The following GLIS3 variants were observed in gnomAD, a reference collection of about 807,000 sequenced individuals.
GLIS3 encodes the protein zinc finger protein GLIS3.
A neutral mutation model predicts 78.6 loss-of-function variants in GLIS3; 53 were observed. The observed-to-expected ratio is 0.67, with a 90% CI of 0.54 to 0.85. The LOEUF (loss-of-function observed/expected upper bound fraction) is 0.85, where lower values mean the gene tolerates loss of function less well. GLIS3 is among the 40% of genes least tolerant of loss of function. The probability of loss-of-function intolerance (pLI) is 0.00; values close to 1 mark genes in which losing one functional copy is unlikely to be tolerated. For synonymous variants in GLIS3, 684 were observed against 509.9 expected, an observed-to-expected ratio of 1.34 and a Z score of -4.60; for missense variants, 1,703 against 1,231.1, an observed-to-expected ratio of 1.38 and a Z score of -5.74.
chr9:4,106,210 G>C (rs1463720380), intron 4 of GLIS3, among the ~76,000 whole-genome samples: 1 of 152,162 alleles, frequency 6.6e-6, no homozygotes, highest in Non-Finnish European at 1.5e-5. Context: ...ATTATCTAAA[G>C]CCACTGGAAA....
intron 4 of GLIS3, among the ~76,000 whole-genome samples, chr9:4,037,778 G>A (rs1824459792): frequency 6.6e-6 from 1 of 152,108 alleles, no homozygotes; most frequent in African/African-American, 2.4e-5. Context: ...TTAATTTGCA[G>A]TATCTCTCCA....
At position 4,118,627 on chromosome 9, in the gene GLIS3, G is replaced by A; in HGVS notation, c.851C>T (p.Pro284Leu). 1 of 1,614,234 alleles carries A rather than the reference G, an allele frequency of 6.2e-7. No homozygotes were observed. The highest frequency in any genetic ancestry group is 2.2e-5 in the East Asian group (1 of 44,884). ...FGTESSHSPY[P>L]SPRHSSTRSH... Reference sequence around the variant, plus strand: ...CCTGGTGGATGAGTGCCGAGGACTAGGGTAAGGAGAGTGGCTACTTTCCGT... The same window carrying A: ...CCTGGTGGATGAGTGCCGAGGACTAAGGTAAGGAGAGTGGCTACTTTCCGT... Residue 284 changes from proline (P) to leucine (L), a missense_variant, in exon 4 of 11, where the codon CCT (proline) becomes CTT (leucine). Coordinates refer to ENST00000381971, the MANE Select transcript of GLIS3 (RefSeq NM_001042413.2). This position sits in a 1 kb window ranked among gnomAD's most constrained non-coding sequence, Gnocchi z 4.7.
At chr9:4,026,364 T>G (rs182612256) in intron 4 of GLIS3, among the ~76,000 whole-genome samples, 50 of 152,368 alleles carry the variant, frequency 3.3e-4, no homozygotes, top group African/African-American at 8.9e-4. Context: ...ATCTGAATAA[T>G]AATGCTTTTC....
intron 4 of GLIS3, among the ~76,000 whole-genome samples, chr9:4,004,560 T>C (rs1380824649): frequency 6.6e-6 from 1 of 152,152 alleles, no homozygotes; most frequent in African/African-American, 2.4e-5. Flanking sequence ...AATGTTGATC[T>C]ACAAGAAAAA....
intron 8 of GLIS3, among the ~76,000 whole-genome samples, chr9:3,861,630 T>C (rs993113232): frequency 6.6e-6 from 1 of 152,142 alleles, no homozygotes; most frequent in Non-Finnish European, 1.5e-5. Context: ...ATCATGTAAT[T>C]TGCAGGGACA....
At chr9:4,068,623 G>A (rs1192750606) in intron 4 of GLIS3, among the ~76,000 whole-genome samples, 2 of 152,086 alleles carry the variant, frequency 1.3e-5, no homozygotes, top group Non-Finnish European at 2.9e-5. Context: ...GGCTCAAAGA[G>A]CAAGAATTTC....
intron 4 of GLIS3, among the ~76,000 whole-genome samples, chr9:3,942,053 C>T (rs148992585): frequency 6.6e-6 from 1 of 152,206 alleles, no homozygotes; most frequent in African/African-American, 2.4e-5. Context: ...ATATGTGTAA[C>T]CAATAATTAA....
In GLIS3 at chr9:4,286,037, C is replaced by A; in HGVS notation, c.388+1G>T. ...AAAAGGTTCCAGAAAGACAATCCTA[C>A]CTTTCCCAGGATTTGGAGGAAAAGG... On this transcript the variant is annotated splice_donor_variant, in intron 2 of 10. Transcript: ENST00000381971. LOFTEE classifies it high-confidence loss of function. 1 of 1,614,066 alleles carries A rather than the reference C, an allele frequency of 6.2e-7. No individual in the cohort carries two copies. The highest frequency in any genetic ancestry group is 8.5e-7 in the Non-Finnish European group (1 of 1,179,988).
upstream of GLIS3, among the ~76,000 whole-genome samples, chr9:4,350,704 T>C (rs919533470): frequency 6.6e-6 from 1 of 152,220 alleles, no homozygotes; most frequent in Non-Finnish European, 1.5e-5. Context: ...TCCTTCATTC[T>C]GGACCAAGGA....
At chr9:4,102,753 T>C (rs1456040259) in intron 4 of GLIS3, among the ~76,000 whole-genome samples, 3 of 152,166 alleles carry the variant, frequency 2.0e-5, no homozygotes, top group African/African-American at 7.2e-5. Context: ...GTCTTAAATA[T>C]TAAATGTCAC....
chr9:4,041,585 T>C (rs1011158852), intron 4 of GLIS3, among the ~76,000 whole-genome samples: 4 of 152,172 alleles, frequency 2.6e-5, no homozygotes, highest in African/African-American at 7.2e-5. Context: ...CATAAAACGG[T>C]GCTTCGTTTC....
intron 4 of GLIS3, among the ~76,000 whole-genome samples, chr9:3,939,830 T>A (rs7018760): frequency 6.6e-4 from 101 of 152,288 alleles, no homozygotes; most frequent in African/African-American, 2.3e-3. Flanking sequence ...TCACTCTTGT[T>A]GAAGAATTCA....
intron 4 of GLIS3, among the ~76,000 whole-genome samples, chr9:3,940,330 C>T (rs1364564864): frequency 6.6e-6 from 1 of 152,056 alleles, no homozygotes; most frequent in Non-Finnish European, 1.5e-5. Context: ...ACTTTGTAAA[C>T]TGACATCTAA....
intron 4 of GLIS3, among the ~76,000 whole-genome samples, chr9:4,012,201 G>C (rs568456170): frequency 5.9e-5 from 9 of 152,216 alleles, no homozygotes; most frequent in African/African-American, 2.2e-4. Context: ...TGCAAGTATG[G>C]GGCAGTGTTT....
chr9:4,431,289 G>C, the GLIS3 span, among the ~76,000 whole-genome samples: 1 of 152,180 alleles, frequency 6.6e-6, no homozygotes, highest in South Asian at 2.1e-4. Flanking sequence ...GAATTGTTTG[G>C]TTGCCATCCA....
chr9:4,198,017 AAATT>A (rs1326955128), intron 2 of GLIS3, among the ~76,000 whole-genome samples: 1 of 152,238 alleles, frequency 6.6e-6, no homozygotes, highest in Non-Finnish European at 1.5e-5. Context: ...TGCCTGCATG[AAATT>A]AATTACAAAA....
intron 2 of GLIS3, among the ~76,000 whole-genome samples, chr9:4,227,017 A>C (rs1302904239): frequency 1.3e-5 from 2 of 152,184 alleles, no homozygotes; most frequent in Admixed American, 1.3e-4. Flanking sequence ...CTGGGAAGGA[A>C]AACAAGAGTT....
At chr9:4,335,198 G>A (rs1176088992) in intron 2 of GLIS3, among the ~76,000 whole-genome samples, 5 of 152,022 alleles carry the variant, frequency 3.3e-5, no homozygotes, top group Non-Finnish European at 5.9e-5. Flanking sequence ...ATGAGCCACC[G>A]TACCTGGCCC....
At chr9:3,945,023 CCTGTG>C (rs1251056678) in intron 4 of GLIS3, among the ~76,000 whole-genome samples, 3 of 152,220 alleles carry the variant, frequency 2.0e-5, no homozygotes, top group Non-Finnish European at 4.4e-5. Context: ...CTCGCTCACT[CCTGTG>C]ACAATTAGCC....
Sources: allele counts gnomAD v4.1 joint callset (sites outside exome capture counted in the v4.1 genomes callset), GRCh38; gene constraint gnomAD v4.1.1; non-coding constraint Gnocchi (gnomAD v3.1); transcripts MANE v1.5; gene names NCBI Gene and HGNC (gene_info 2026-07-23, HGNC 2026-07-21).